The following TUNAR variants were observed in gnomAD, a reference collection of about 807,000 sequenced individuals.
TUNAR encodes the protein transmembrane neural differentiation associated intracellular calcium regulator.
At chr14:95,914,914 A>G (rs1232797603) in intron 2 of TUNAR, among the ~76,000 whole-genome samples, 2 of 152,150 alleles carry the variant, frequency 1.3e-5, no homozygotes, top group African/African-American at 2.4e-5. Context: ...CAATTTTTCA[A>G]AAACCGTGGT....
chr14:95,877,314 C>T (rs74085707), intron 2 of TUNAR, 137 bp downstream of exon 1: 5,734 of 152,448 alleles, frequency 0.038, 253 homozygotes, highest in African/African-American at 0.1. Flanking sequence ...GTTCAATTTC[C>T]CCTGCCCCGA....
At chr14:95,896,967 C>T (rs1889278736) in intron 2 of TUNAR, among the ~76,000 whole-genome samples, 1 of 152,178 alleles carries the variant, frequency 6.6e-6, no homozygotes, top group South Asian at 2.1e-4. Context: ...TGCCATGATT[C>T]GGGCTTGCGT....
At position 95,895,103 on chromosome 14, in the gene TUNAR, G is replaced by T. The variant is rs1889241603; in HGVS notation, c.12+17926G>T. On this transcript the variant is annotated intron_variant, in intron 2 of 2. Transcript: ENST00000678517. The surrounding 1 kb of genome is among the most constrained non-coding windows in gnomAD (Gnocchi z 4.5). ...GACAGATGTTGTCTGCCAGGTAAGT[G>T]CAGGAAGTGCAGAACCTGCCTTGAA... Among the ~76,000 whole-genome samples, 1 of 152,216 alleles carries T rather than the reference G, an allele frequency of 6.6e-6. No homozygotes were observed. The highest frequency in any genetic ancestry group is 1.5e-5 in the Non-Finnish European group (1 of 68,038).
intron 2 of TUNAR, among the ~76,000 whole-genome samples, chr14:95,880,953 GTCTT>G (rs1349668799): frequency 6.6e-6 from 1 of 152,200 alleles, no homozygotes; most frequent in Non-Finnish European, 1.5e-5. Context: ...GAGCTGAAGT[GTCTT>G]TCTTAGTCTC....
At chr14:95,896,681 T>C (rs1889274415) in intron 2 of TUNAR, among the ~76,000 whole-genome samples, 1 of 152,234 alleles carries the variant, frequency 6.6e-6, no homozygotes, top group Non-Finnish European at 1.5e-5. Context: ...TGAATCCCAC[T>C]TGCAAGCAGT....
rs1888888814 is a variant in TUNAR, at chr14:95,876,820, T to TGCTGTCTCTCTCTCTTTCCCTCCGC, written c.-306-35_-306-11dup. 1 of 152,148 alleles carries TGCTGTCTCTCTCTCTTTCCCTCCGC rather than the reference T, an allele frequency of 6.6e-6. No individual in the cohort carries two copies. The highest frequency in any genetic ancestry group is 2.1e-4 in the South Asian group (1 of 4,838). 9.4% of individuals were successfully genotyped at this position (152,148 alleles called of 1,614,324 possible). ...CGGGGTGCAGCTCTGCGCGTTCTCATGCTGTCTCTCTCTCTTTCCCTCCGC... is the reference window on the plus strand; with the variant it reads ...CGGGGTGCAGCTCTGCGCGTTCTCATGCTGTCTCTCTCTCTTTCCCTCCGCGCTGTCTCTCTCTCTTTCCCTCCGC... On this transcript the variant is annotated intron_variant, in intron 1 of 2. Transcript: ENST00000678517.
At chr14:95,897,219 C>G (rs1889283200) in intron 2 of TUNAR, among the ~76,000 whole-genome samples, 1 of 152,174 alleles carries the variant, frequency 6.6e-6, no homozygotes, top group Non-Finnish European at 1.5e-5. Flanking sequence ...GGATTTGCAT[C>G]CAGACAGTGC....
chr14:95,909,322 C>T (rs1889475615), intron 2 of TUNAR, among the ~76,000 whole-genome samples: 1 of 131,788 alleles, frequency 7.6e-6, no homozygotes, highest in Non-Finnish European at 1.6e-5. Context: ...CTCACTTTGT[C>T]ACCCAGGCTG....
intron 2 of TUNAR, among the ~76,000 whole-genome samples, chr14:95,884,847 A>G (rs977002720): frequency 1.3e-5 from 2 of 151,632 alleles, no homozygotes; most frequent in African/African-American, 2.4e-5. Context: ...CAGATGAAAC[A>G]ATGTGGTCTG....
At chr14:95,882,431 G>A (rs74085730) in intron 2 of TUNAR, among the ~76,000 whole-genome samples, 2,819 of 152,326 alleles carry the variant, frequency 0.019, 55 homozygotes, top group East Asian at 0.08. Flanking sequence ...TTCCAGCAAC[G>A]AGAAGCACAA....
intron 2 of TUNAR, among the ~76,000 whole-genome samples, chr14:95,918,494 C>T (rs1889640520): frequency 6.6e-6 from 1 of 152,160 alleles, no homozygotes; most frequent in Admixed American, 6.5e-5. Flanking sequence ...CAGTAACTCC[C>T]CTGGGAATCA....
At chr14:95,876,938 T>G (rs1213852126) in exon 2 of TUNAR, 1 of 152,170 alleles carries the variant, frequency 6.6e-6, no homozygotes, top group Non-Finnish European at 1.5e-5. Flanking sequence ...CGCGCACACC[T>G]AGCCAGCGGC....
rs3044243 is a variant in TUNAR, at chr14:95,894,628, CCTT to C, written c.12+17454_12+17456del. 6.2e-3 allele frequency among the ~76,000 whole-genome samples: 944 copies of C among 152,322 alleles called. 14 individuals carry two copies. Among genetic ancestry groups the C allele is most frequent in the Admixed American group, 0.03 (454 of 15,304 alleles). On this transcript the variant is annotated intron_variant, in intron 2 of 2. Coordinates refer to ENST00000678517, the Ensembl canonical transcript of TUNAR. ...AGAAGATTTGGAACCAGGCCCATGA[CCTT>C]CTGCAGGTGCTGAGCTGTAGGTCTA...
At chr14:95,907,932 C>A (rs1889450774) in intron 2 of TUNAR, among the ~76,000 whole-genome samples, 1 of 152,144 alleles carries the variant, frequency 6.6e-6, no homozygotes. Flanking sequence ...TCTGGCTGAA[C>A]CTGGGGCTTT....
At chr14:95,920,488 C>T (rs1030365103) in intron 2 of TUNAR, among the ~76,000 whole-genome samples, 4 of 152,048 alleles carry the variant, frequency 2.6e-5, no homozygotes, top group African/African-American at 9.7e-5. Context: ...GGAGTAGGAA[C>T]CCACTGTAGG....
rs532280832 is a variant in TUNAR, at chr14:95,879,255, C to A, written c.12+2078C>A. On this transcript the variant is annotated intron_variant, in intron 2 of 2. Coordinates refer to ENST00000678517, the Ensembl canonical transcript of TUNAR. The stretch of plus-strand genomic sequence containing the variant: ...GAATCCCAAATGAAACGGGCATGTC[C>A]CACCTTTTTCCCAGAAACTCGGCTC... 2.6e-5 allele frequency among the ~76,000 whole-genome samples: 4 copies of A among 152,260 alleles called. No individual in the cohort carries two copies. The South Asian group carries it at 8.3e-4, about 32-fold the overall frequency.
intron 2 of TUNAR, among the ~76,000 whole-genome samples, chr14:95,878,960 C>T (rs1888932918): frequency 6.6e-6 from 1 of 152,024 alleles, no homozygotes; most frequent in African/African-American, 2.4e-5. Flanking sequence ...ATTCCCAGCA[C>T]AAACAATTAC....
At chr14:95,897,532 C>G (rs1889286756) in intron 2 of TUNAR, among the ~76,000 whole-genome samples, 1 of 152,164 alleles carries the variant, frequency 6.6e-6, no homozygotes, top group African/African-American at 2.4e-5. Flanking sequence ...AGCTTGCATC[C>G]CATCCTGAAT....
chr14:95,890,092 C>A (rs1464885267), intron 2 of TUNAR, among the ~76,000 whole-genome samples: 1 of 152,180 alleles, frequency 6.6e-6, no homozygotes, highest in African/African-American at 2.4e-5. Context: ...GCACACTACA[C>A]CCTTGAATTC....
Sources: allele counts gnomAD v4.1 joint callset (sites outside exome capture counted in the v4.1 genomes callset), GRCh38; gene constraint gnomAD v4.1.1; non-coding constraint Gnocchi (gnomAD v3.1); transcripts MANE v1.5; gene names NCBI Gene and HGNC (gene_info 2026-07-23, HGNC 2026-07-21).